The following GRID1 variants were observed in gnomAD, a reference collection of about 807,000 sequenced individuals.
The protein encoded by GRID1 is glutamate receptor ionotropic, delta-1.
A neutral mutation model predicts 98.0 loss-of-function variants in GRID1; 28 were observed. That is an observed-to-expected ratio of 0.29 (90% CI 0.21 to 0.39). The LOEUF is 0.39. Among genes scored for constraint, GRID1 ranks in the 10% least tolerant of loss-of-function variants. The probability of loss-of-function intolerance (pLI) is 1.00; values close to 1 mark genes in which losing one functional copy is unlikely to be tolerated. For synonymous variants in GRID1, 553 were observed against 538.5 expected, an observed-to-expected ratio of 1.03 and a Z score of -0.37; for missense variants, 1,111 against 1,340.5, an observed-to-expected ratio of 0.83 and a Z score of 2.67.
chr10:86,321,909 G>A (rs1358212277), intron 2 of GRID1, among the ~76,000 whole-genome samples: 1 of 152,158 alleles, frequency 6.6e-6, no homozygotes, highest in South Asian at 2.1e-4. Flanking sequence ...ACAAAGACAA[G>A]CAGGCAACCC....
chr10:86,167,909 G>A (rs1845423949), intron 3 of GRID1, among the ~76,000 whole-genome samples: 1 of 152,158 alleles, frequency 6.6e-6, no homozygotes, highest in Non-Finnish European at 1.5e-5. Flanking sequence ...TTGTGACCGA[G>A]GGAGGCACCA....
intron 4 of GRID1, among the ~76,000 whole-genome samples, chr10:85,937,330 G>GC (rs1841940581): frequency 6.6e-6 from 1 of 152,222 alleles, no homozygotes; most frequent in Non-Finnish European, 1.5e-5. Flanking sequence ...AGCAGCCTGG[G>GC]CCCATTTTCA....
At chr10:86,346,883 A>G (rs1018990492) in intron 2 of GRID1, among the ~76,000 whole-genome samples, 1 of 152,160 alleles carries the variant, frequency 6.6e-6, no homozygotes, top group Non-Finnish European at 1.5e-5. Flanking sequence ...GCATGGGGTA[A>G]GGAGAGGCCT....
At chr10:86,063,206 A>T (rs1393896362) in intron 4 of GRID1, among the ~76,000 whole-genome samples, 2 of 152,258 alleles carry the variant, frequency 1.3e-5, no homozygotes, top group Non-Finnish European at 2.9e-5. Flanking sequence ...GAGAAAATAA[A>T]GCCTGAAGTC....
intron 4 of GRID1, among the ~76,000 whole-genome samples, chr10:85,982,193 C>CAAA (rs5786730): frequency 3.1e-5 from 4 of 129,912 alleles, no homozygotes; most frequent in Non-Finnish European, 5.0e-5. Context: ...GCTCTTGCCA[C>CAAA]AAAAAAAAAA....
At chr10:86,053,367 T>TG (rs1359290224) in intron 4 of GRID1, among the ~76,000 whole-genome samples, 5 of 52,080 alleles carry the variant, frequency 9.6e-5, no homozygotes, top group Non-Finnish European at 3.2e-4. Flanking sequence ...TGTTTTTTTG[T>TG]TTTTTTTTGA....
intron 2 of GRID1, among the ~76,000 whole-genome samples, chr10:86,247,994 C>T (rs1395496907): frequency 6.6e-6 from 1 of 152,176 alleles, no homozygotes; most frequent in Non-Finnish European, 1.5e-5. Context: ...GATCCCCCCA[C>T]AACCTCCACA....
rs183203270 is a variant in GRID1, at chr10:85,944,588, T to C, written c.727-28349A>G. The stretch of plus-strand genomic sequence containing the variant: ...AGTAAAAAATGTATAAGGATATTTA[T>C]TGGCATATTGGCTGTATTGGGGGAG... On this transcript the variant is annotated intron_variant, in intron 4 of 15. Transcript: ENST00000327946. Among the ~76,000 whole-genome samples, 6 of 152,308 alleles carry C rather than the reference T, an allele frequency of 3.9e-5. No individual in the cohort carries two copies. The East Asian group carries it at 9.7e-4, about 25-fold the overall frequency.
chr10:85,664,112 G>A (rs1185847763), intron 12 of GRID1, among the ~76,000 whole-genome samples: 2 of 152,200 alleles, frequency 1.3e-5, no homozygotes, highest in African/African-American at 4.8e-5. Flanking sequence ...TGAAGGCACT[G>A]AGAGGCCCGG....
chr10:85,829,512 A>G (rs537563101), intron 8 of GRID1, among the ~76,000 whole-genome samples: 1 of 152,130 alleles, frequency 6.6e-6, no homozygotes, highest in Non-Finnish European at 1.5e-5. Flanking sequence ...AAGTCAAACT[A>G]TCTCTGTTTG....
chr10:85,936,145 T>A (rs1161941513), intron 4 of GRID1, among the ~76,000 whole-genome samples: 2 of 152,064 alleles, frequency 1.3e-5, no homozygotes, highest in African/African-American at 4.8e-5. Flanking sequence ...CTTCAGGGAG[T>A]CAGGGAAGGT....
At chr10:86,014,799 T>C (rs558143912) in intron 4 of GRID1, among the ~76,000 whole-genome samples, 77 of 152,322 alleles carry the variant, frequency 5.1e-4, no homozygotes, top group Non-Finnish European at 9.1e-4. Context: ...ACTCTCCTTC[T>C]GGTTCATGTG....
intron 8 of GRID1, among the ~76,000 whole-genome samples, chr10:85,795,845 T>G (rs1842521907): frequency 6.6e-6 from 1 of 152,136 alleles, no homozygotes; most frequent in African/African-American, 2.4e-5. Context: ...GTAAACAACA[T>G]CTTCCAAATG....
intron 12 of GRID1, among the ~76,000 whole-genome samples, chr10:85,673,055 G>C (rs930423677): frequency 2.0e-5 from 3 of 152,192 alleles, no homozygotes; most frequent in Non-Finnish European, 4.4e-5. Context: ...GAGTTGGCAA[G>C]AAATTGATTC....
intron 4 of GRID1, among the ~76,000 whole-genome samples, chr10:85,931,910 G>T (rs1406965721): frequency 6.6e-6 from 1 of 152,186 alleles, no homozygotes; most frequent in East Asian, 1.9e-4. Context: ...TTTCTCCAGA[G>T]TCCTTCAGTT....
At chr10:85,951,777 G>A (rs942477860) in intron 4 of GRID1, among the ~76,000 whole-genome samples, 14 of 152,116 alleles carry the variant, frequency 9.2e-5, no homozygotes, top group African/African-American at 2.9e-4. Context: ...AAAGGCTCAC[G>A]TTCACAACCT....
At chr10:85,750,436 T>A (rs2132685456) in intron 8 of GRID1, among the ~76,000 whole-genome samples, 1 of 152,230 alleles carries the variant, frequency 6.6e-6, no homozygotes, top group South Asian at 2.1e-4. Flanking sequence ...ATGTAAAATG[T>A]GAATAATTGA....
intron 12 of GRID1, among the ~76,000 whole-genome samples, chr10:85,696,148 T>C (rs1841390483): frequency 6.6e-6 from 1 of 152,156 alleles, no homozygotes; most frequent in South Asian, 2.1e-4. Flanking sequence ...GTGCTAAGCA[T>C]TGGTTCTACA....
rs563152128 is a variant in GRID1 at position 85,782,488 on chromosome 10, T to A, written c.1234-52874A>T. On this transcript the variant is annotated intron_variant, in intron 8 of 15. Coordinates refer to ENST00000327946, the MANE Select transcript of GRID1 (RefSeq NM_017551.3). ...AAGTAAAAATCACTGCTGTCTTATA[T>A]GTTACAATTTAGTGAAGGTAGTCTA... is the stretch of plus-strand genomic sequence containing the variant. Among the ~76,000 whole-genome samples the A allele has an allele frequency of 2.0e-5, 3 of 152,344 alleles. No homozygotes were observed. In the South Asian group the frequency reaches 6.2e-4, roughly 32 times the overall value.
Sources: allele counts gnomAD v4.1 joint callset (sites outside exome capture counted in the v4.1 genomes callset), GRCh38; gene constraint gnomAD v4.1.1; transcripts MANE v1.5; gene names NCBI Gene and HGNC (gene_info 2026-07-23, HGNC 2026-07-21).